C1orf21: variants seen among roughly 807,000 people sequenced by gnomAD.
C1orf21 encodes uncharacterized protein C1orf21.
Under a neutral mutation model 18.7 loss-of-function variants are expected in C1orf21, and 3 were observed. The observed-to-expected ratio is 0.16, with a 90% CI of 0.07 to 0.42. C1orf21 has a LOEUF of 0.42. C1orf21 is among the 10% of genes least tolerant of loss of function. The pLI is 0.99. For synonymous variants in C1orf21, 41 were observed against 46.4 expected, an observed-to-expected ratio of 0.88 and a Z score of 0.47; for missense variants, 104 against 143.6, an observed-to-expected ratio of 0.72 and a Z score of 1.41.
intron 3 of C1orf21, among the ~76,000 whole-genome samples, chr1:184,537,595 C>A (rs947095517): frequency 6.6e-6 from 1 of 152,150 alleles, no homozygotes; most frequent in African/African-American, 2.4e-5. Flanking sequence ...GTGAATAATG[C>A]TGCTTTGAAC....
intron 5 of C1orf21, among the ~76,000 whole-genome samples, chr1:184,605,472 G>A (rs1659635578): frequency 6.6e-6 from 1 of 152,128 alleles, no homozygotes; most frequent in South Asian, 2.1e-4. Context: ...AAGAACACTG[G>A]GCTTCAAATG....
At chr1:184,467,534 A>G (rs1657420858) in intron 1 of C1orf21, among the ~76,000 whole-genome samples, 4 of 152,150 alleles carry the variant, frequency 2.6e-5, no homozygotes, top group Admixed American at 2.0e-4. Context: ...CAGGTGCTGT[A>G]CAGGGAGCAT....
chr1:184,514,508 T>C (rs561947567), intron 3 of C1orf21, among the ~76,000 whole-genome samples: 65 of 152,298 alleles, frequency 4.3e-4, no homozygotes, highest in African/African-American at 1.6e-3. Context: ...TTTGATAATA[T>C]CAGATTTTGG....
intron 3 of C1orf21, chr1:184,567,424 C>A (rs1161556712): frequency 5.6e-6 from 3 of 535,640 alleles, no homozygotes; most frequent in African/African-American, 3.8e-5. Context: ...GCTTGAAGGT[C>A]TGCATCTCTC....
At chr1:184,486,424 G>A (rs932295532) in intron 2 of C1orf21, among the ~76,000 whole-genome samples, 5 of 152,120 alleles carry the variant, frequency 3.3e-5, no homozygotes, top group African/African-American at 1.2e-4. Flanking sequence ...CCACCACTTG[G>A]AGTTCTGAGG....
chr1:184,440,168 A>C (rs938497959), intron 1 of C1orf21, among the ~76,000 whole-genome samples: 2 of 152,180 alleles, frequency 1.3e-5, no homozygotes, highest in African/African-American at 4.8e-5. Context: ...AATTAGCATG[A>C]TTGAGACTTG....
In C1orf21 at chr1:184,439,908, G is replaced by T. The variant is rs1656918236; in HGVS notation, c.-124-37478G>T. Among the ~76,000 whole-genome samples, 3 of 152,182 alleles carry T rather than the reference G, an allele frequency of 2.0e-5. No homozygotes were observed. In the South Asian group the frequency reaches 6.2e-4, roughly 31 times the overall value. On this transcript the variant is annotated intron_variant, in intron 1 of 5. Transcript: ENST00000235307. ...AAATTAAAACTAATGATTTATTTAG[G>T]TTTTTGTGGTTGTTAATTTAGAAAA...
chr1:184,491,383 C>G (rs1453760552), intron 2 of C1orf21, among the ~76,000 whole-genome samples: 1 of 150,542 alleles, frequency 6.6e-6, no homozygotes, highest in Non-Finnish European at 1.5e-5. Context: ...CTGTCTCACT[C>G]TGGTTGCCCA....
chr1:184,612,612 C>T lies in C1orf21; in HGVS notation c.328-6906C>T, dbSNP rs115338430. Among the ~76,000 whole-genome samples the T allele has an allele frequency of 2.7e-3, 414 of 152,064 alleles. 3 individuals are homozygous for T. The highest frequency in any genetic ancestry group is 9.2e-3 in the African/African-American group (383 of 41,476). On this transcript the variant is annotated intron_variant, in intron 5 of 5. Coordinates refer to ENST00000235307, the MANE Select transcript of C1orf21 (RefSeq NM_030806.4). ...GTGGTGGTGCATGCTACTCGGGAGGCGAAGGTTGCAGTGAGCCAAGATTGT... is the reference window on the plus strand; with the variant it reads ...GTGGTGGTGCATGCTACTCGGGAGGTGAAGGTTGCAGTGAGCCAAGATTGT...
At position 184,621,370 on chromosome 1, in the gene C1orf21, T is replaced by G. The variant is rs1659913932; in HGVS notation, c.*1814T>G. The stretch of plus-strand genomic sequence containing the variant: ...AGATGCAGCCAAAATTTTAGGCCTT[T>G]TATCCTGCTTCTAGCAGAAAAATGC... On this transcript the variant is annotated 3_prime_UTR_variant, in exon 6 of 6. Coordinates refer to ENST00000235307, the MANE Select transcript of C1orf21 (RefSeq NM_030806.4). 6.6e-6 allele frequency: 1 copy of G among 152,638 alleles called. No individual in the cohort carries two copies. The highest frequency in any genetic ancestry group is 2.1e-4 in the South Asian group (1 of 4,826). The allele number at this position is 152,638 out of a possible 1,614,324, so 9.5% of individuals were successfully genotyped here. A position where few individuals can be genotyped will look rare whatever the true frequency, so the allele number is the denominator to read the frequency against.
chr1:184,399,486 T>C (rs1219320867), intron 1 of C1orf21, among the ~76,000 whole-genome samples: 1 of 151,004 alleles, frequency 6.6e-6, no homozygotes, highest in African/African-American at 2.4e-5. Flanking sequence ...CCTCAGCCTG[T>C]CGAGTAGCTG....
chr1:184,394,195 T>G (rs1159984876), intron 1 of C1orf21, among the ~76,000 whole-genome samples: 3 of 152,242 alleles, frequency 2.0e-5, no homozygotes, highest in Non-Finnish European at 2.9e-5. Context: ...GCTTTAGGGC[T>G]TTTGGAAAAA....
chr1:184,493,560 A>G (rs1657847979), intron 2 of C1orf21, among the ~76,000 whole-genome samples: 1 of 152,246 alleles, frequency 6.6e-6, no homozygotes, highest in African/African-American at 2.4e-5. Context: ...CCTTCCAGCT[A>G]TAGATATGCA....
At chr1:184,594,003 T>C (rs975789347) in intron 4 of C1orf21, among the ~76,000 whole-genome samples, 27 of 152,208 alleles carry the variant, frequency 1.8e-4, no homozygotes, top group Admixed American at 1.7e-3. Flanking sequence ...GATAGTTACA[T>C]TGGGTTGTGG....
intron 1 of C1orf21, among the ~76,000 whole-genome samples, chr1:184,470,510 GCAGTGGTGCAGAGGTCCCC>G (rs1657478916): frequency 6.6e-6 from 1 of 152,140 alleles, no homozygotes; most frequent in South Asian, 2.1e-4. Flanking sequence ...TTCTGTAAAA[GCAGTGGTGCAGAGGTCCCC>G]CATGACACAA....
intron 3 of C1orf21, among the ~76,000 whole-genome samples, chr1:184,511,407 T>C (rs1447480559): frequency 6.6e-6 from 1 of 152,154 alleles, no homozygotes; most frequent in East Asian, 1.9e-4. Flanking sequence ...CAGGGTACTA[T>C]GTGAAAATAG....
intron 4 of C1orf21, among the ~76,000 whole-genome samples, chr1:184,592,873 A>G (rs1054841912): frequency 7.9e-5 from 12 of 152,172 alleles, no homozygotes; most frequent in Admixed American, 7.9e-4. Context: ...TTTACTTTCA[A>G]AGAAAACTGG....
chr1:184,548,409 C>CT (rs35619860), intron 3 of C1orf21, among the ~76,000 whole-genome samples: 28,105 of 117,754 alleles, frequency 0.24, 4,273 homozygotes, highest in East Asian at 0.32. Flanking sequence ...ATTGCAGACT[C>CT]TTTTTTTTTT....
chr1:184,430,978 G>C (rs1433928773), intron 1 of C1orf21, among the ~76,000 whole-genome samples: 1 of 152,128 alleles, frequency 6.6e-6, no homozygotes, highest in Non-Finnish European at 1.5e-5. Context: ...GTGGTTTGTA[G>C]TTCTCCTTGA....
Sources: gnomAD v4.1 joint callset for allele counts (sites outside exome capture counted in the v4.1 genomes callset) on GRCh38, gnomAD v4.1.1 for gene constraint, MANE v1.5 for transcripts, NCBI Gene and HGNC (gene_info 2026-07-23, HGNC 2026-07-21) for gene names.